The following SF3B2 variants were observed in gnomAD, a reference collection of about 807,000 sequenced individuals.
SF3B2 encodes SAP 145.
A neutral mutation model predicts 116.3 loss-of-function variants in SF3B2; 22 were observed. The observed-to-expected ratio is 0.19, with a 90% CI of 0.14 to 0.27. The LOEUF (loss-of-function observed/expected upper bound fraction) is 0.27, where lower values mean the gene tolerates loss of function less well. SF3B2 is among the 10% of genes least tolerant of loss of function. The pLI is 1.00. For missense variants in SF3B2, 767 were observed against 1,151.4 expected, an observed-to-expected ratio of 0.67 and a Z score of 4.83; for synonymous variants, 406 against 421.6, an observed-to-expected ratio of 0.96 and a Z score of 0.45.
In SF3B2 at chr11:66,060,012, G is replaced by C. The variant is rs771388648; in HGVS notation, c.1629+3G>C. ...TGCGAGAGGCCCTGCAGGAGAAGGT[G>C]AGGGCCTGGCAGGGCTCAGACCTGC... is the stretch of plus-strand genomic sequence containing the variant. On this transcript the variant is annotated splice_donor_region_variant and intron_variant, in intron 13 of 21. Transcript: ENST00000322535. The C allele has an allele frequency of 6.2e-6, 10 of 1,613,038 alleles. No individual in the cohort carries two copies. The East Asian group carries it at 2.2e-4, about 36-fold the overall frequency.
At chr11:66,058,581 C>G in intron 9 of SF3B2, 176 bp downstream of exon 9, 1 of 630,346 alleles carries the variant, frequency 1.6e-6, no homozygotes, top group Non-Finnish European at 2.8e-6. Flanking sequence ...CTATACGTGC[C>G]TACATTTTAC....
chr11:66,058,045 C>T lies in SF3B2; in HGVS notation c.778-9C>T, dbSNP rs747449931. ...TGATTTGCCTTCTCTGACTGGGTGT[C>T]TCTGGCAGATGGATGACCCCTCTGT... On this transcript the variant is annotated splice_polypyrimidine_tract_variant and intron_variant, in intron 7 of 21. Coordinates refer to ENST00000322535, the MANE Select transcript of SF3B2 (RefSeq NM_006842.3). 2 of 1,595,150 alleles carry T rather than the reference C, an allele frequency of 1.3e-6. No homozygotes were observed. The highest frequency in any genetic ancestry group is 1.7e-6 in the Non-Finnish European group (2 of 1,170,452).
rs767486871 is a variant in SF3B2 at position 66,057,273 on chromosome 11, TCCAGTGGGC to T, written c.687_695del (p.Val230_Pro232del). ...CTTTTTCCCGTCTCTTAGTAGCTGC[TCCAGTGGGC>T]CCAGTGGGCCCCACTCCTACAGTTT... On this transcript the variant is annotated inframe_deletion, in exon 7 of 22. Coordinates refer to ENST00000322535, the MANE Select transcript of SF3B2 (RefSeq NM_006842.3). 2 of 1,598,082 alleles carry T rather than the reference TCCAGTGGGC, an allele frequency of 1.3e-6. No individual in the cohort carries two copies. The highest frequency in any genetic ancestry group is 3.3e-5 in the Admixed American group (2 of 60,012).
Position 66,063,084 on chromosome 11 carries a change from G to A in SF3B2, c.2053G>A (p.Asp685Asn). Residue 685 changes from aspartate (D) to asparagine (N), a missense_variant, in exon 17 of 22, where the codon GAC becomes AAC. This residue lies in a region of SF3B2 where 282 missense variants were observed against 568.0 expected (regional missense o/e 0.50). Coordinates refer to ENST00000322535, the MANE Select transcript of SF3B2 (RefSeq NM_006842.3). Reference protein sequence around the residue: ...VDETGKPLYGDVFGTNAAEFQ... With the variant: ...VDETGKPLYGNVFGTNAAEFQ... ...TGAGACTGGGAAACCGCTCTATGGG[G>A]ACGTGTTTGGAACCAATGCTGCTGA... 9 of 1,613,974 alleles carry A rather than the reference G, an allele frequency of 5.6e-6. No homozygotes were observed. The highest frequency in any genetic ancestry group is 7.6e-6 in the Non-Finnish European group (9 of 1,179,898).
At chr11:66,068,611 T>G in intron 21 of SF3B2, 63 bp from the exon 22 acceptor site, 1 of 1,417,586 alleles carries the variant, frequency 7.1e-7, no homozygotes, top group South Asian at 1.2e-5. Context: ...CTGCCCACCC[T>G]TGTTTTGGGG....
In SF3B2 at chr11:66,068,923, C is replaced by T. The variant is rs1371892027; in HGVS notation, c.*178C>T. 1.7e-6 allele frequency: 1 copy of T among 585,736 alleles called. No individual in the cohort carries two copies. The highest frequency in any genetic ancestry group is 1.9e-5 in the African/African-American group (1 of 53,558). The allele number at this position is 585,736 out of a possible 1,614,324, so 36.3% of individuals were successfully genotyped here. Reference sequence around the variant, plus strand: ...GAATATTTAACACTCCTGAGCCTCCCTCATCTCCTTTTAGCCCCTTCTTGC... The same window carrying T: ...GAATATTTAACACTCCTGAGCCTCCTTCATCTCCTTTTAGCCCCTTCTTGC... On this transcript the variant is annotated 3_prime_UTR_variant, in exon 22 of 22. Coordinates refer to ENST00000322535, the MANE Select transcript of SF3B2 (RefSeq NM_006842.3).
Position 66,061,539 on chromosome 11 carries a change from C to G in SF3B2, c.1780-147C>G, listed in dbSNP as rs1857099952. 4.5e-6 allele frequency: 3 copies of G among 672,646 alleles called. No homozygotes were observed. The South Asian group carries it at 5.2e-5, about 12-fold the overall frequency. The allele number at this position is 672,646 out of a possible 1,614,324, so 41.7% of individuals were successfully genotyped here. On this transcript the variant is annotated intron_variant, in intron 14 of 21. Transcript: ENST00000322535. ...GAGTCTGGCCTGGTTTTTATTCCTTCCCCGACTTTGGCCAGGGAAAGAAGT... is the reference window on the plus strand; with the variant it reads ...GAGTCTGGCCTGGTTTTTATTCCTTGCCCGACTTTGGCCAGGGAAAGAAGT...
Position 66,067,990 on chromosome 11 carries a change from C to T in SF3B2, c.2375C>T (p.Thr792Ile). Reference sequence around the variant, plus strand: ...TTCACTGTGTTGCCAGAGAAGAGAACAGCCACTGTTGGAGGGGCCATGATG... The same window carrying T: ...TTCACTGTGTTGCCAGAGAAGAGAATAGCCACTGTTGGAGGGGCCATGATG... ...QLFTVLPEKR[T>I]ATVGGAMMGS... Residue 792 changes from threonine to isoleucine, a missense_variant, in exon 20 of 22, where the codon ACA becomes ATA. By Grantham distance (89) the Thr-to-Ile change is moderately conservative. Around this residue, in one of 4 missense-constraint regions of SF3B2, gnomAD observed 282 missense variants for 568.0 expected, o/e 0.50. Transcript: ENST00000322535. The T allele has an allele frequency of 1.2e-6, 2 of 1,614,178 alleles. No homozygotes were observed. The highest frequency in any genetic ancestry group is 1.1e-5 in the South Asian group (1 of 91,070).
intron 21 of SF3B2, 49 bp downstream of exon 21, chr11:66,068,382 C>A: frequency 6.6e-7 from 1 of 1,515,338 alleles, no homozygotes; most frequent in Non-Finnish European, 8.8e-7. Flanking sequence ...GGGACCCTGG[C>A]CTGCCGTTTT....
chr11:66,063,353 T>C, intron 17 of SF3B2, 47 bp from the exon 18 acceptor site: 4 of 1,564,604 alleles, frequency 2.6e-6, no homozygotes, highest in Non-Finnish European at 3.5e-6. Flanking sequence ...TGGCACATAA[T>C]AGGTACTTAG....
Position 66,053,305 on chromosome 11 carries a change from C to T in SF3B2, c.258+201C>T, listed in dbSNP as rs543263540. On this transcript the variant is annotated intron_variant, in intron 3 of 21. Transcript: ENST00000322535. The stretch of plus-strand genomic sequence containing the variant: ...CTTGCAGTTGTTGGGCAGGGAGGTA[C>T]TGCCATGACAGAATTGTGAGCTCTT... The T allele has an allele frequency of 9.5e-5, 57 of 597,442 alleles. No individual in the cohort carries two copies. The African/African-American group carries it at 1.0e-3, about 11-fold the overall frequency. The allele number at this position is 597,442 out of a possible 1,614,324, so 37.0% of individuals were successfully genotyped here.
rs936701592 is a variant in SF3B2 at position 66,058,056 on chromosome 11, G to A, written c.780G>A (p.Met260Ile). The change falls in exon 8 of 22, where the codon ATG becomes ATA. Residue 260 changes from methionine (M) to isoleucine (I), a missense_variant and splice_region_variant. Transcript: ENST00000322535. Reference sequence around the variant, plus strand: ...CTCTGACTGGGTGTCTCTGGCAGATGGATGACCCCTCTGTGGGCCCCAAGA... The same window carrying A: ...CTCTGACTGGGTGTCTCTGGCAGATAGATGACCCCTCTGTGGGCCCCAAGA... ...PPPPGDENRE[M>I]DDPSVGPKIP... is the part of the protein sequence containing the mutation. The A allele has an allele frequency of 6.2e-7, 1 of 1,605,150 alleles. No homozygotes were observed. The highest frequency in any genetic ancestry group is 1.3e-5 in the African/African-American group (1 of 74,288).
chr11:66,056,750 C>A, intron 5 of SF3B2, 88 bp from the exon 6 acceptor site: 2 of 954,188 alleles, frequency 2.1e-6, no homozygotes, highest in Non-Finnish European at 3.4e-6. Flanking sequence ...CTCCTTGGGC[C>A]CATTACCCGG....
At chr11:66,067,036 C>G (rs889303022) in intron 19 of SF3B2, 1 of 191,350 alleles carries the variant, frequency 5.2e-6, no homozygotes, top group African/African-American at 2.4e-5. Context: ...TTTCCTGTCT[C>G]GCAGGAATCA....
chr11:66,067,664 C>T lies in SF3B2; in HGVS notation c.2331-282C>T. On this transcript the variant is annotated intron_variant, in intron 19 of 21. Coordinates refer to ENST00000322535, the MANE Select transcript of SF3B2 (RefSeq NM_006842.3). ...GTTCTTTTGGAAACTTTGAGCCTCT[C>T]TGACCTTTTGACCCTTATGTGCATG... 8.1e-6 allele frequency: 4 copies of T among 494,982 alleles called. No individual in the cohort carries two copies. In the East Asian group the frequency reaches 1.3e-4, roughly 16 times the overall value. The allele number at this position is 494,982 out of a possible 1,614,324, so 30.7% of individuals were successfully genotyped here.
At chr11:66,068,071 T>C (rs1565093287) in intron 20 of SF3B2, 26 bp downstream of exon 20, 1 of 1,613,114 alleles carries the variant, frequency 6.2e-7, no homozygotes, top group South Asian at 1.1e-5. Flanking sequence ...ATACTGCTTT[T>C]GGAGGCTGAG....
rs189111257 is a variant in SF3B2 at position 66,060,484 on chromosome 11, T to C, written c.1630-98T>C. 3.7e-4 allele frequency: 521 copies of C among 1,426,672 alleles called. 3 individuals are homozygous for C. The highest frequency in any genetic ancestry group is 4.5e-4 in the Non-Finnish European group (470 of 1,035,128). 88.4% of individuals were successfully genotyped at this position (1,426,672 alleles called of 1,614,324 possible). On this transcript the variant is annotated intron_variant, in intron 13 of 21. Transcript: ENST00000322535. ...TTTGATGACTTTCAGGGTGAGATAA[T>C]TGAGGCTTCCCATGATCTCATTTGG...
intron 5 of SF3B2, chr11:66,055,932 C>T (rs2135039670): frequency 3.7e-6 from 1 of 270,834 alleles, no homozygotes; most frequent in Non-Finnish European, 6.9e-6. Context: ...CTCTGCTCGC[C>T]TTACATGACA....
chr11:66,069,261 C>T lies in SF3B2; in HGVS notation c.*516C>T. ...TGACCTTGTGACCAGAAGTTCAAGT[C>T]CTTACCTGTGCGACAACATAGCTCA... On this transcript the variant is annotated 3_prime_UTR_variant, in exon 22 of 22. Transcript: ENST00000322535. 2.4e-6 allele frequency: 1 copy of T among 408,772 alleles called. No homozygotes were observed. Among genetic ancestry groups the T allele is most frequent in the Non-Finnish European group, 5.1e-6 (1 of 196,958 alleles). 25.3% of individuals were successfully genotyped at this position (408,772 alleles called of 1,614,324 possible).
Sources: gnomAD v4.1 joint callset for allele counts on GRCh38, gnomAD v4.1.1 for gene constraint, gnomAD v4.1.1 regional missense constraint, MANE v1.5 for transcripts, NCBI Gene and HGNC (gene_info 2026-07-23, HGNC 2026-07-21) for gene names.